The following CNBD1 variants were observed in gnomAD, a reference collection of about 807,000 sequenced individuals.
CNBD1 encodes the protein cyclic nucleotide binding domain containing 1.
CNBD1 carries 71 observed loss-of-function variants against 54.4 expected under a neutral mutation model. That is an observed-to-expected ratio of 1.30 (90% CI 1.08 to 1.59). The LOEUF is 1.59. CNBD1 is among the 40% of genes most tolerant of loss of function. The pLI is 0.00. For missense variants in CNBD1, 659 were observed against 518.0 expected, an observed-to-expected ratio of 1.27 and a Z score of -2.64; for synonymous variants, 182 against 170.7, an observed-to-expected ratio of 1.07 and a Z score of -0.51.
chr8:87,278,634 C>T (rs1039426371), intron 6 of CNBD1, among the ~76,000 whole-genome samples: 1 of 151,356 alleles, frequency 6.6e-6, no homozygotes, highest in Non-Finnish European at 1.5e-5. Flanking sequence ...TCATTGCAAG[C>T]AAAGTTACAG....
chr8:87,112,962 G>T (rs1307976492), intron 4 of CNBD1, among the ~76,000 whole-genome samples: 1 of 152,174 alleles, frequency 6.6e-6, no homozygotes, highest in Non-Finnish European at 1.5e-5. Context: ...AGATCAGGAT[G>T]GGGGAAGAAG....
At chr8:87,315,947 CAT>C (rs1299177727) in intron 8 of CNBD1, among the ~76,000 whole-genome samples, 2 of 151,882 alleles carry the variant, frequency 1.3e-5, no homozygotes, top group African/African-American at 4.8e-5. Flanking sequence ...ATGCATGTAT[CAT>C]AATATCACAT....
At chr8:87,122,383 C>G (rs971066937) in intron 4 of CNBD1, among the ~76,000 whole-genome samples, 1 of 151,758 alleles carries the variant, frequency 6.6e-6, no homozygotes, top group Non-Finnish European at 1.5e-5. Context: ...GAACTTTGCC[C>G]ATTTTAAAAT....
intron 10 of CNBD1, among the ~76,000 whole-genome samples, chr8:87,373,622 A>G (rs1002847554): frequency 6.6e-6 from 1 of 151,802 alleles, no homozygotes; most frequent in Admixed American, 6.6e-5. Context: ...GTATGCTCCA[A>G]AAGTCTAATT....
chr8:87,142,839 GT>G (rs886740754), intron 4 of CNBD1, among the ~76,000 whole-genome samples: 9 of 152,146 alleles, frequency 5.9e-5, no homozygotes, highest in African/African-American at 2.2e-4. Flanking sequence ...CAAACCTGGA[GT>G]TTTTTTGTTG....
intron 2 of CNBD1, among the ~76,000 whole-genome samples, chr8:87,389,494 A>T (rs1055378946): frequency 6.6e-6 from 1 of 152,312 alleles, no homozygotes; most frequent in East Asian, 1.9e-4. Context: ...GTGAACTCCC[A>T]TTCACAATTG....
At chr8:87,146,250 A>G (rs1812485003) in intron 4 of CNBD1, among the ~76,000 whole-genome samples, 2 of 152,156 alleles carry the variant, frequency 1.3e-5, no homozygotes, top group Non-Finnish European at 2.9e-5. Context: ...ATATATTTGC[A>G]TACAAATAAA....
chr8:87,411,700 C>T (rs1195901523), intron 2 of CNBD1, among the ~76,000 whole-genome samples: 2 of 149,834 alleles, frequency 1.3e-5, no homozygotes, highest in East Asian at 2.0e-4. Context: ...TTGTATTACA[C>T]CCATTGATGT....
At chr8:87,361,012 C>T (rs1186410579) in intron 10 of CNBD1, among the ~76,000 whole-genome samples, 1 of 151,748 alleles carries the variant, frequency 6.6e-6, no homozygotes, top group Admixed American at 6.6e-5. Flanking sequence ...AAGTTATAGC[C>T]AAGATTATCC....
chr8:87,059,057 G>T (rs1002005966), intron 4 of CNBD1, among the ~76,000 whole-genome samples: 1 of 152,090 alleles, frequency 6.6e-6, no homozygotes, highest in Admixed American at 6.5e-5. Flanking sequence ...GATCTCTAGG[G>T]CAGGGGCAAA....
At chr8:87,379,272 A>G (rs906309135) in intron 10 of CNBD1, among the ~76,000 whole-genome samples, 7 of 152,002 alleles carry the variant, frequency 4.6e-5, no homozygotes, top group East Asian at 1.9e-4. Flanking sequence ...ACTCCCACAC[A>G]TTAATAATGG....
At chr8:87,365,755 G>C (rs909550931) in intron 10 of CNBD1, among the ~76,000 whole-genome samples, 2 of 151,846 alleles carry the variant, frequency 1.3e-5, no homozygotes, top group African/African-American at 4.8e-5. Flanking sequence ...CATTAATATG[G>C]GTTTATGCAT....
intron 8 of CNBD1, among the ~76,000 whole-genome samples, chr8:87,345,131 A>T (rs538832234): frequency 6.6e-6 from 1 of 152,288 alleles, no homozygotes; most frequent in South Asian, 2.1e-4. Context: ...GCTAAAATAG[A>T]ATTTTGATTC....
chr8:87,300,971 A>C (rs908932831), intron 8 of CNBD1, among the ~76,000 whole-genome samples: 1 of 152,150 alleles, frequency 6.6e-6, no homozygotes, highest in African/African-American at 2.4e-5. Context: ...CCAAGAAAAG[A>C]AGAGAGAAAA....
chr8:87,143,613 T>C (rs1462378553), intron 4 of CNBD1, among the ~76,000 whole-genome samples: 1 of 152,186 alleles, frequency 6.6e-6, no homozygotes, highest in Non-Finnish European at 1.5e-5. Flanking sequence ...ATATACTTAT[T>C]TGTCTTATAA....
chr8:87,067,444 C>T (rs371788831), intron 4 of CNBD1, among the ~76,000 whole-genome samples: 8 of 151,912 alleles, frequency 5.3e-5, no homozygotes, highest in Admixed American at 1.3e-4. Context: ...ATTTATTATA[C>T]GCAAGTATAA....
chr8:87,162,760 G>A (rs1159176018), intron 4 of CNBD1, among the ~76,000 whole-genome samples: 3 of 152,056 alleles, frequency 2.0e-5, no homozygotes, highest in Admixed American at 2.0e-4. Flanking sequence ...AAGGAATGCT[G>A]TCTTCATGTG....
chr8:87,090,412 G>A (rs1415819597), intron 4 of CNBD1, among the ~76,000 whole-genome samples: 3 of 152,152 alleles, frequency 2.0e-5, no homozygotes, highest in Non-Finnish European at 4.4e-5. Context: ...ATGAGGAAGT[G>A]ATTGGAAAGA....
intron 5 of CNBD1, among the ~76,000 whole-genome samples, chr8:87,228,268 G>A (rs893291959): frequency 5.3e-5 from 8 of 151,390 alleles, no homozygotes; most frequent in Non-Finnish European, 1.0e-4. Context: ...GTCCAGCTTT[G>A]TTCCGTTGCT....
Sources: allele counts gnomAD v4.1 joint callset (sites outside exome capture counted in the v4.1 genomes callset), GRCh38; gene constraint gnomAD v4.1.1; transcripts MANE v1.5; gene names NCBI Gene and HGNC (gene_info 2026-07-23, HGNC 2026-07-21).